MSH3: variants seen among roughly 807,000 people sequenced by gnomAD.
The protein encoded by MSH3 is mutS homolog 3.
Under a neutral mutation model 123.3 loss-of-function variants are expected in MSH3, and 106 were observed. The ratio of observed to expected loss-of-function variants is 0.86; its 90% CI spans 0.73 to 1.01. MSH3 has a LOEUF of 1.01. Among genes scored for constraint, MSH3 ranks in the 50% least tolerant of loss-of-function variants. MSH3 has a pLI of 0.00. For synonymous variants in MSH3, 515 were observed against 481.4 expected, an observed-to-expected ratio of 1.07 and a Z score of -0.91; for missense variants, 1,459 against 1,347.6, an observed-to-expected ratio of 1.08 and a Z score of -1.29.
At chr5:80,727,538 G>C (rs1226670852) in intron 9 of MSH3, among the ~76,000 whole-genome samples, 2 of 152,110 alleles carry the variant, frequency 1.3e-5, no homozygotes, top group Non-Finnish European at 2.9e-5. Flanking sequence ...TATGTCGGAG[G>C]GGTTATCATT....
At chr5:80,823,142 T>C (rs1745231336) in intron 20 of MSH3, among the ~76,000 whole-genome samples, 1 of 152,230 alleles carries the variant, frequency 6.6e-6, no homozygotes, top group Non-Finnish European at 1.5e-5. Context: ...TGTATAAATA[T>C]ATGTGGAGAA....
chr5:80,656,898 A>G (rs1276531373), intron 2 of MSH3, among the ~76,000 whole-genome samples: 5 of 152,174 alleles, frequency 3.3e-5, no homozygotes, highest in East Asian at 1.9e-4. Context: ...GCCCACTGCT[A>G]TTGGTGTTCT....
intron 8 of MSH3, among the ~76,000 whole-genome samples, chr5:80,713,759 A>G (rs756952829): frequency 6.0e-5 from 9 of 151,124 alleles, no homozygotes; most frequent in East Asian, 5.8e-4. Flanking sequence ...CTCCAGTCCT[A>G]TGGTGGCTAC....
chr5:80,867,760 A>G (rs975669381), intron 22 of MSH3, among the ~76,000 whole-genome samples: 3 of 152,144 alleles, frequency 2.0e-5, no homozygotes, highest in Non-Finnish European at 4.4e-5. Flanking sequence ...TCCTTTGCCT[A>G]TTTTTTAATG....
In MSH3 at chr5:80,691,321, T is replaced by A. The variant is rs542419511; in HGVS notation, c.1340+12228T>A. ...AGCAACAAATAGAAAATGAAAAAAA[T>A]TTTAAAAGATACTATTTAAAATAGC... On this transcript the variant is annotated intron_variant, in intron 8 of 23. Coordinates refer to ENST00000265081, the MANE Select transcript of MSH3 (RefSeq NM_002439.5). Among the ~76,000 whole-genome samples, 316 of 151,812 alleles carry A rather than the reference T, an allele frequency of 2.1e-3. 2 individuals carry two copies. Among genetic ancestry groups the A allele is most frequent in the African/African-American group, 7.2e-3 (299 of 41,464 alleles).
At chr5:80,856,781 C>G (rs1745928183) in intron 21 of MSH3, among the ~76,000 whole-genome samples, 1 of 152,180 alleles carries the variant, frequency 6.6e-6, no homozygotes, top group African/African-American at 2.4e-5. Context: ...TTGCTGTAAT[C>G]ACTTACTAAT....
chr5:80,830,049 T>C (rs1745391624), intron 20 of MSH3, among the ~76,000 whole-genome samples: 1 of 152,224 alleles, frequency 6.6e-6, no homozygotes, highest in Non-Finnish European at 1.5e-5. Flanking sequence ...TATTATCTTT[T>C]TAATGCCCAT....
intron 4 of MSH3, among the ~76,000 whole-genome samples, chr5:80,671,012 C>T (rs1749713035): frequency 6.6e-6 from 1 of 151,898 alleles, no homozygotes; most frequent in Non-Finnish European, 1.5e-5. Context: ...AGTCCCAGCT[C>T]CTCAGGAGGC....
chr5:80,870,727 A>G (rs1746197982), intron 22 of MSH3, among the ~76,000 whole-genome samples: 1 of 152,238 alleles, frequency 6.6e-6, no homozygotes, highest in South Asian at 2.1e-4. Flanking sequence ...GAGGAGGGCC[A>G]GGAAAAATCC....
intron 8 of MSH3, among the ~76,000 whole-genome samples, chr5:80,720,852 G>C (rs1236553914): frequency 6.6e-6 from 1 of 151,998 alleles, no homozygotes; most frequent in Non-Finnish European, 1.5e-5. Flanking sequence ...CACAGTTCTG[G>C]TAGTGTTTTT....
chr5:80,673,994 T>A (rs945222150), intron 6 of MSH3, among the ~76,000 whole-genome samples: 8 of 152,224 alleles, frequency 5.3e-5, no homozygotes, highest in African/African-American at 1.9e-4. Flanking sequence ...ATTTCTCAGC[T>A]CATCTAATTC....
chr5:80,862,106 C>G (rs1026745931), intron 21 of MSH3, among the ~76,000 whole-genome samples: 3 of 151,942 alleles, frequency 2.0e-5, no homozygotes, highest in Non-Finnish European at 4.4e-5. Flanking sequence ...TGCTGCAGGC[C>G]GAGAACAGCC....
intron 12 of MSH3, among the ~76,000 whole-genome samples, chr5:80,753,682 CTTCT>C (rs1344159384): frequency 6.6e-6 from 1 of 152,088 alleles, no homozygotes; most frequent in Non-Finnish European, 1.5e-5. Context: ...AAGTTAATTT[CTTCT>C]TTTTTTTTCT....
chr5:80,740,730 G>A lies in MSH3; in HGVS notation c.1569-734G>A, dbSNP rs1002321797. ...GTTAGAATCTTTTTTTTTTTTTTTTGCCGAGGCGTAGTCTCACTCTGTTGC... is the reference window on the plus strand; with the variant it reads ...GTTAGAATCTTTTTTTTTTTTTTTTACCGAGGCGTAGTCTCACTCTGTTGC... On this transcript the variant is annotated intron_variant, in intron 10 of 23. Coordinates refer to ENST00000265081, the MANE Select transcript of MSH3 (RefSeq NM_002439.5). Among the ~76,000 whole-genome samples, 181 of 66,132 alleles carry A rather than the reference G, an allele frequency of 2.7e-3. 2 individuals carry two copies. The highest frequency in any genetic ancestry group is 0.01 in the African/African-American group (176 of 17,268). The allele number at this position is 66,132 out of a possible 152,430, so 43.4% of individuals were successfully genotyped here. A position where few individuals can be genotyped will look rare whatever the true frequency, so the allele number is the denominator to read the frequency against.
At chr5:80,819,133 TC>T (rs1745156437) in intron 20 of MSH3, among the ~76,000 whole-genome samples, 1 of 151,956 alleles carries the variant, frequency 6.6e-6, no homozygotes, top group Non-Finnish European at 1.5e-5. Flanking sequence ...AGAAAAAGTA[TC>T]AAAATCATTA....
At chr5:80,703,839 A>C (rs1421900698) in intron 8 of MSH3, among the ~76,000 whole-genome samples, 1 of 152,008 alleles carries the variant, frequency 6.6e-6, no homozygotes, top group Non-Finnish European at 1.5e-5. Flanking sequence ...CTGGACGTAA[A>C]CACTAGTATA....
At chr5:80,751,149 A>T (rs1373536746) in intron 12 of MSH3, among the ~76,000 whole-genome samples, 1 of 152,196 alleles carries the variant, frequency 6.6e-6, no homozygotes, top group East Asian at 1.9e-4. Flanking sequence ...AAATAAACTC[A>T]TACTAACTTG....
At chr5:80,812,981 G>T (rs563248679) in intron 19 of MSH3, among the ~76,000 whole-genome samples, 28 of 152,214 alleles carry the variant, frequency 1.8e-4, no homozygotes, top group Admixed American at 3.9e-4. Flanking sequence ...CTTAGCAGGG[G>T]TGTGTACCTG....
intron 20 of MSH3, among the ~76,000 whole-genome samples, chr5:80,818,402 CAAAAAAAAAA>C (rs71603566): frequency 7.8e-5 from 5 of 63,832 alleles, no homozygotes; most frequent in East Asian, 5.4e-4. Flanking sequence ...ATAGCAATGA[CAAAAAAAAAA>C]AAAAAAAAAA....
Sources: allele counts gnomAD v4.1 joint callset (sites outside exome capture counted in the v4.1 genomes callset), GRCh38; gene constraint gnomAD v4.1.1; transcripts MANE v1.5; gene names NCBI Gene and HGNC (gene_info 2026-07-23, HGNC 2026-07-21).